The following SEMA5A variants were observed in gnomAD, a reference collection of about 807,000 sequenced individuals.
SEMA5A encodes the protein semaphorin 5A.
SEMA5A carries 55 observed loss-of-function variants against 135.5 expected under a neutral mutation model. The ratio of observed to expected loss-of-function variants is 0.41; its 90% CI spans 0.33 to 0.51. The LOEUF (loss-of-function observed/expected upper bound fraction) is 0.51, where lower values mean the gene tolerates loss of function less well. SEMA5A is among the 20% of genes least tolerant of loss of function. The pLI, the probability that SEMA5A is intolerant of heterozygous loss-of-function variation, is 0.37. For missense variants in SEMA5A, 1,290 were observed against 1,419.9 expected (o/e 0.91, Z 1.47); for synonymous variants, 580 against 546.5 (o/e 1.06, Z -0.85).
At chr5:9,438,996 T>C (rs1406927820) in intron 1 of SEMA5A, among the ~76,000 whole-genome samples, 1 of 152,138 alleles carries the variant, frequency 6.6e-6, no homozygotes, top group Non-Finnish European at 1.5e-5. Flanking sequence ...TCTCCCTTCC[T>C]CCAGGACGGG....
chr5:9,206,827 T>C lies in SEMA5A; in HGVS notation c.647-4587A>G, dbSNP rs1481283520. On this transcript the variant is annotated intron_variant, in intron 8 of 22. Transcript: ENST00000382496. ...CTGTGACTCTGCCCTGGTTGGACCA[T>C]TGACATCTGATATTTTCTGTTGTTG... Among the ~76,000 whole-genome samples, 4 of 150,816 alleles carry C rather than the reference T, an allele frequency of 2.7e-5. 1 individual carries two copies. Among genetic ancestry groups the C allele is most frequent in the African/African-American group, 7.3e-5 (3 of 41,110 alleles).
At position 9,075,773 on chromosome 5, in the gene SEMA5A, C is replaced by G. The variant is rs143369463; in HGVS notation, c.2074-9127G>C. The stretch of plus-strand genomic sequence containing the variant: ...AATGGTTTTATGAATGTATAAATAC[C>G]TTAAAACTGACCAAAATTTTATCAT... On this transcript the variant is annotated intron_variant, in intron 16 of 22. Transcript: ENST00000382496. Among the ~76,000 whole-genome samples, 559 of 152,206 alleles carry G rather than the reference C, an allele frequency of 3.7e-3. 3 individuals are homozygous for G. The highest frequency in any genetic ancestry group is 5.6e-3 in the Non-Finnish European group (380 of 68,018).
intron 16 of SEMA5A, among the ~76,000 whole-genome samples, chr5:9,099,267 G>A (rs2150138416): frequency 6.6e-6 from 1 of 152,174 alleles, no homozygotes; most frequent in East Asian, 1.9e-4. Context: ...TTTGTGTACT[G>A]ATATTAACTT....
chr5:9,171,002 T>A (rs1211833200), intron 11 of SEMA5A, among the ~76,000 whole-genome samples: 1 of 151,986 alleles, frequency 6.6e-6, no homozygotes, highest in African/African-American at 2.4e-5. Context: ...GGGCTCCATA[T>A]GGGAGAGGGG....
chr5:9,166,404 C>T (rs796073862), intron 11 of SEMA5A, among the ~76,000 whole-genome samples: 7 of 152,286 alleles, frequency 4.6e-5, no homozygotes, highest in African/African-American at 1.7e-4. Flanking sequence ...CAGTGCCCAG[C>T]TCACAGGGTC....
At chr5:9,257,752 A>G (rs1579727003) in intron 5 of SEMA5A, among the ~76,000 whole-genome samples, 1 of 152,094 alleles carries the variant, frequency 6.6e-6, no homozygotes, top group Non-Finnish European at 1.5e-5. Context: ...ACATGCATCA[A>G]GGTGGTGGTC....
intron 9 of SEMA5A, 62 bp from the exon 10 acceptor site, chr5:9,197,365 C>T: frequency 3.2e-6 from 5 of 1,578,904 alleles, no homozygotes; most frequent in Non-Finnish European, 4.3e-6. Flanking sequence ...CTGACCTCCC[C>T]CTATGGACTG....
At chr5:9,089,227 A>G (rs1165453409) in intron 16 of SEMA5A, among the ~76,000 whole-genome samples, 3 of 152,202 alleles carry the variant, frequency 2.0e-5, no homozygotes, top group Non-Finnish European at 4.4e-5. Context: ...TCTGTAAGAC[A>G]TGGCGCTAAT....
At chr5:9,126,555 G>GAAAA (rs1741121450) in intron 13 of SEMA5A, among the ~76,000 whole-genome samples, 1 of 96,586 alleles carries the variant, frequency 1.0e-5, no homozygotes, top group African/African-American at 4.5e-5. Context: ...AGGAATGACA[G>GAAAA]CAAAAAAAAA....
In SEMA5A at chr5:9,277,897, G is replaced by A. The variant is rs532867944; in HGVS notation, c.271-40007C>T. Among the ~76,000 whole-genome samples, 8 of 152,116 alleles carry A rather than the reference G, an allele frequency of 5.3e-5. No individual in the cohort carries two copies. In the South Asian group the frequency reaches 1.0e-3, roughly 20 times the overall value. On this transcript the variant is annotated intron_variant, in intron 5 of 22. Transcript: ENST00000382496. ...TGGGTGCAGCAAACCACCGTGGCAC[G>A]TGTATATGTATGTAACAGACTTGCA...
chr5:9,237,159 G>A (rs1747955248), intron 6 of SEMA5A, among the ~76,000 whole-genome samples: 1 of 152,124 alleles, frequency 6.6e-6, no homozygotes, highest in Non-Finnish European at 1.5e-5. Flanking sequence ...AATACACAGT[G>A]AGCCTGTTCA....
At chr5:9,230,289 A>C (rs1168037124) in intron 6 of SEMA5A, among the ~76,000 whole-genome samples, 1 of 150,168 alleles carries the variant, frequency 6.7e-6, no homozygotes. Context: ...CATGAGCCAC[A>C]GTGCCCTGCA....
chr5:9,179,909 G>A (rs1744409349), intron 11 of SEMA5A, among the ~76,000 whole-genome samples: 1 of 152,174 alleles, frequency 6.6e-6, no homozygotes, highest in Non-Finnish European at 1.5e-5. Context: ...CAGCGGAAAT[G>A]TATTTGCTCA....
chr5:9,249,480 G>A (rs1748660564), intron 5 of SEMA5A, among the ~76,000 whole-genome samples: 1 of 152,170 alleles, frequency 6.6e-6, no homozygotes. Context: ...CTTTGAGAGT[G>A]ACTCATTTCC....
chr5:9,455,919 C>T lies in SEMA5A; in HGVS notation c.-174-18067G>A, dbSNP rs574651926. On this transcript the variant is annotated intron_variant, in intron 1 of 22. Coordinates refer to ENST00000382496, the MANE Select transcript of SEMA5A (RefSeq NM_003966.3). ...AAACTTACAGAAGACCCTTCTTCTT[C>T]GGGGAAGCAGGAGTGAGTCAGCAGG... Among the ~76,000 whole-genome samples the T allele has an allele frequency of 8.5e-5, 13 of 152,222 alleles. No individual in the cohort carries two copies. In the South Asian group the frequency reaches 1.0e-3, roughly 12 times the overall value.
chr5:9,304,394 C>A (rs988714884), intron 5 of SEMA5A, among the ~76,000 whole-genome samples: 4 of 151,924 alleles, frequency 2.6e-5, no homozygotes, highest in Non-Finnish European at 5.9e-5. Context: ...TTTGTGAATT[C>A]TTTATCGATC....
At chr5:9,200,971 G>A (rs763384932) in intron 9 of SEMA5A, among the ~76,000 whole-genome samples, 2 of 152,178 alleles carry the variant, frequency 1.3e-5, no homozygotes, top group Non-Finnish European at 2.9e-5. Context: ...ATAATCTCAG[G>A]CAATTCAGGA....
chr5:9,514,698 C>G (rs1736410137), intron 1 of SEMA5A, among the ~76,000 whole-genome samples: 1 of 152,168 alleles, frequency 6.6e-6, no homozygotes, highest in Admixed American at 6.5e-5. Context: ...ACAGATAGAA[C>G]CACCCTTTTA....
intron 1 of SEMA5A, among the ~76,000 whole-genome samples, chr5:9,474,604 C>T (rs991854153): frequency 9.2e-5 from 14 of 152,226 alleles, no homozygotes; most frequent in African/African-American, 2.4e-4. Context: ...CAAGGCACAG[C>T]GGCATGCATC....
Sources: gnomAD v4.1 joint callset for allele counts (sites outside exome capture counted in the v4.1 genomes callset) on GRCh38, gnomAD v4.1.1 for gene constraint, MANE v1.5 for transcripts, NCBI Gene and HGNC (gene_info 2026-07-23, HGNC 2026-07-21) for gene names.